The following CAMKMT variants were observed in gnomAD, a reference collection of about 807,000 sequenced individuals.
CAMKMT encodes the protein CaM KMT.
In CAMKMT, 53 loss-of-function variants were observed where a neutral mutation model predicts 48.0. The observed-to-expected ratio is 1.10, with a 90% CI of 0.89 to 1.39. The LOEUF (loss-of-function observed/expected upper bound fraction) is 1.39, where lower values mean the gene tolerates loss of function less well. CAMKMT is among the 40% of genes most tolerant of loss of function. CAMKMT has a pLI of 0.00. For synonymous variants in CAMKMT, 165 were observed against 152.3 expected, an observed-to-expected ratio of 1.08 and a Z score of -0.61; for missense variants, 428 against 402.7, an observed-to-expected ratio of 1.06 and a Z score of -0.54.
chr2:44,725,243 G>A (rs1367765318), intron 7 of CAMKMT, among the ~76,000 whole-genome samples: 3 of 151,094 alleles, frequency 2.0e-5, no homozygotes, highest in African/African-American at 7.3e-5. Context: ...TAAGGGCATG[G>A]AATTGATTTT....
chr2:44,583,139 C>T (rs1669654935), intron 3 of CAMKMT, among the ~76,000 whole-genome samples: 1 of 152,138 alleles, frequency 6.6e-6, no homozygotes, highest in Admixed American at 6.6e-5. Context: ...GCATTGCTCA[C>T]TACTATGCTT....
chr2:44,545,589 A>G (rs1667351877), intron 3 of CAMKMT, among the ~76,000 whole-genome samples: 1 of 150,508 alleles, frequency 6.6e-6, no homozygotes, highest in African/African-American at 2.4e-5. Flanking sequence ...GAGGAAGTTG[A>G]GATACAGGGA....
intron 3 of CAMKMT, among the ~76,000 whole-genome samples, chr2:44,672,147 G>A (rs1178594686): frequency 1.3e-5 from 2 of 152,128 alleles, no homozygotes; most frequent in Non-Finnish European, 2.9e-5. Context: ...AGTTTAAGCT[G>A]CAATTATTTC....
intron 3 of CAMKMT, among the ~76,000 whole-genome samples, chr2:44,472,982 G>A (rs529849145): frequency 1.4e-3 from 206 of 152,256 alleles, no homozygotes; most frequent in Non-Finnish European, 2.2e-3. Context: ...GGAATAAACC[G>A]GGAGAGAGGA....
At chr2:44,658,735 G>A (rs1674513511) in intron 3 of CAMKMT, among the ~76,000 whole-genome samples, 1 of 152,070 alleles carries the variant, frequency 6.6e-6, no homozygotes, top group African/African-American at 2.4e-5. Flanking sequence ...TCTTAATGAA[G>A]AGAGTCTTGT....
At chr2:44,628,776 A>G (rs1394502902) in intron 3 of CAMKMT, among the ~76,000 whole-genome samples, 1 of 152,150 alleles carries the variant, frequency 6.6e-6, no homozygotes, top group African/African-American at 2.4e-5. Context: ...TTTGACCTAT[A>G]CATTTTTTAA....
rs146979375 is a variant in CAMKMT, at chr2:44,442,207, A to G, written c.376+51902A>G. Among the ~76,000 whole-genome samples the G allele has an allele frequency of 8.3e-3, 1,270 of 152,310 alleles. 9 individuals carry two copies. The highest frequency in any genetic ancestry group is 0.027 in the Middle Eastern group (8 of 294). The stretch of plus-strand genomic sequence containing the variant: ...TAAGGTGAATGAAAGAGAAGTATGT[A>G]TGACTCAGTTCTTTCATTTGCCTTG... On this transcript the variant is annotated intron_variant, in intron 3 of 10. Transcript: ENST00000378494.
chr2:44,772,183 C>T lies in CAMKMT; in HGVS notation c.*70C>T. On this transcript the variant is annotated 3_prime_UTR_variant, in exon 11 of 11. Coordinates refer to ENST00000378494, the MANE Select transcript of CAMKMT (RefSeq NM_024766.5). Reference sequence around the variant, plus strand: ...GGAATATTTTTACAAAAACGGAAATCTGTAAGGGGTATAATCGCCTGCCTG... The same window carrying T: ...GGAATATTTTTACAAAAACGGAAATTTGTAAGGGGTATAATCGCCTGCCTG... 2 of 1,333,470 alleles carry T rather than the reference C, an allele frequency of 1.5e-6. No individual in the cohort carries two copies. The highest frequency in any genetic ancestry group is 2.1e-6 in the Non-Finnish European group (2 of 932,040). 82.6% of individuals were successfully genotyped at this position (1,333,470 alleles called of 1,614,324 possible).
intron 2 of CAMKMT, among the ~76,000 whole-genome samples, chr2:44,373,527 T>A (rs1679383690): frequency 6.6e-6 from 1 of 152,204 alleles, no homozygotes; most frequent in Admixed American, 6.5e-5. Flanking sequence ...TTATAAAATC[T>A]GCCTTTTCTG....
chr2:44,695,076 A>C (rs1249366643), intron 3 of CAMKMT, among the ~76,000 whole-genome samples: 1 of 152,222 alleles, frequency 6.6e-6, no homozygotes, highest in Non-Finnish European at 1.5e-5. Context: ...AGCTACTATA[A>C]ATGCCACTTT....
chr2:44,489,896 A>G (rs1192957620), intron 3 of CAMKMT, among the ~76,000 whole-genome samples: 3 of 152,260 alleles, frequency 2.0e-5, no homozygotes, highest in Non-Finnish European at 2.9e-5. Context: ...ATTTGGGTGA[A>G]AGGTTCACTT....
At chr2:44,525,919 A>G (rs1474216559) in intron 3 of CAMKMT, among the ~76,000 whole-genome samples, 1 of 151,996 alleles carries the variant, frequency 6.6e-6, no homozygotes, top group African/African-American at 2.4e-5. Context: ...CAGGTTAGTT[A>G]CATATGTATA....
At chr2:44,607,820 C>G (rs1320726935) in intron 3 of CAMKMT, among the ~76,000 whole-genome samples, 1 of 151,884 alleles carries the variant, frequency 6.6e-6, no homozygotes, top group African/African-American at 2.4e-5. Context: ...ATGCTCATTA[C>G]TTTATTTTTA....
intron 3 of CAMKMT, among the ~76,000 whole-genome samples, chr2:44,403,529 C>G (rs1001228874): frequency 6.6e-6 from 1 of 152,156 alleles, no homozygotes; most frequent in African/African-American, 2.4e-5. Flanking sequence ...CATGTAACTC[C>G]GGTTGCTTCT....
At chr2:44,752,426 C>T (rs1248180414) in intron 8 of CAMKMT, among the ~76,000 whole-genome samples, 1 of 152,110 alleles carries the variant, frequency 6.6e-6, no homozygotes, top group Non-Finnish European at 1.5e-5. Flanking sequence ...TCTAGCAATG[C>T]CCAGGAGCCC....
intron 3 of CAMKMT, among the ~76,000 whole-genome samples, chr2:44,474,957 A>T (rs1380325475): frequency 1.3e-5 from 2 of 152,222 alleles, no homozygotes; most frequent in African/African-American, 4.8e-5. Flanking sequence ...CTGGCCAGAC[A>T]CAAGAATGAC....
chr2:44,428,845 C>A (rs1025217195), intron 3 of CAMKMT, among the ~76,000 whole-genome samples: 2 of 152,142 alleles, frequency 1.3e-5, no homozygotes, highest in Non-Finnish European at 2.9e-5. Context: ...AAAACTGTTA[C>A]AGACTTTCAA....
chr2:44,425,622 C>T (rs1684227117), intron 3 of CAMKMT, among the ~76,000 whole-genome samples: 1 of 151,736 alleles, frequency 6.6e-6, no homozygotes, highest in South Asian at 2.1e-4. Context: ...ATTGATGTTA[C>T]ATTTTTCAAA....
chr2:44,433,058 G>A (rs1684745439), intron 3 of CAMKMT, among the ~76,000 whole-genome samples: 1 of 152,050 alleles, frequency 6.6e-6, no homozygotes, highest in African/African-American at 2.4e-5. Context: ...TTGTCCTTTT[G>A]GCAGAGAGGA....
Sources: allele counts gnomAD v4.1 joint callset (sites outside exome capture counted in the v4.1 genomes callset), GRCh38; gene constraint gnomAD v4.1.1; transcripts MANE v1.5; gene names NCBI Gene and HGNC (gene_info 2026-07-23, HGNC 2026-07-21).